Variants in FGF13 observed in about 807,000 individuals in gnomAD.
FGF13 encodes the protein fibroblast growth factor homologous factor 2.
A neutral mutation model predicts 19.5 loss-of-function variants in FGF13; 2 were observed. The ratio of observed to expected loss-of-function variants is 0.10; its 90% CI spans 0.04 to 0.32. FGF13 has a LOEUF of 0.32. FGF13 is among the 10% of genes least tolerant of loss of function. FGF13 has a pLI of 1.00. For missense variants in FGF13, 113 were observed against 192.7 expected (o/e 0.59, Z 2.45); for synonymous variants, 72 against 76.9 (o/e 0.94, Z 0.33).
At chrX:139,014,649 C>T (rs2092145267) in intron 1 of FGF13, among the ~76,000 whole-genome samples, 1 of 111,077 alleles carries the variant, frequency 9.0e-6, no homozygotes, top group Admixed American at 9.6e-5. Flanking sequence ...ATTTCAAAAA[C>T]TAACACCTAT....
At chrX:139,081,222 T>A (rs964226217) in intron 1 of FGF13, among the ~76,000 whole-genome samples, 1 of 110,836 alleles carries the variant, frequency 9.0e-6, no homozygotes, top group African/African-American at 3.3e-5. Flanking sequence ...TAGGAGAAAA[T>A]TTTTACCTTT....
chrX:138,743,450 A>G (rs188427439), upstream of FGF13, among the ~76,000 whole-genome samples: 1 of 111,756 alleles, frequency 8.9e-6, no homozygotes, highest in African/African-American at 3.3e-5. Context: ...GTATGATACT[A>G]TAATGGCCTT....
intron 3 of FGF13, among the ~76,000 whole-genome samples, chrX:138,771,265 T>C (rs2090543554): frequency 8.9e-6 from 1 of 111,751 alleles, no homozygotes; most frequent in Admixed American, 9.5e-5. Context: ...TCTAAGGAAG[T>C]GAAGACAATT....
rs1016218434 is a variant in FGF13, at chrX:138,616,197, C to T, written c.*16653G>A. ...AAGTCTCATCTGAGACAAAGCAAGTCCCTTCCACCTATAAGCCTGTAAAAT... is the reference window on the plus strand; with the variant it reads ...AAGTCTCATCTGAGACAAAGCAAGTTCCTTCCACCTATAAGCCTGTAAAAT... On this transcript the variant is annotated 3_prime_UTR_variant, in exon 5 of 5. Coordinates refer to ENST00000315930, the MANE Select transcript of FGF13 (RefSeq NM_004114.5). 5 of 112,178 alleles carry T rather than the reference C, an allele frequency of 4.5e-5. No homozygotes were observed. The highest frequency in any genetic ancestry group is 2.8e-4 in the Admixed American group (3 of 10,586). 9.2% of individuals were successfully genotyped at this position (112,178 alleles called of 1,213,427 possible).
intron 1 of FGF13, among the ~76,000 whole-genome samples, chrX:138,717,478 G>A (rs1026754012): frequency 1.8e-5 from 2 of 111,240 alleles, no homozygotes; most frequent in African/African-American, 3.3e-5. Flanking sequence ...AAATCTACAC[G>A]ACTATTTGTA....
intron 3 of FGF13, among the ~76,000 whole-genome samples, chrX:138,799,008 C>A (rs926445955): frequency 1.8e-5 from 2 of 111,826 alleles, no homozygotes; most frequent in South Asian, 3.7e-4. Context: ...TTTCAAAAAA[C>A]CACCTCCTGG....
At chrX:138,945,582 C>A (rs887639486) in intron 1 of FGF13, among the ~76,000 whole-genome samples, 1 of 111,725 alleles carries the variant, frequency 9.0e-6, no homozygotes, top group South Asian at 3.8e-4. Context: ...AACGAATTAA[C>A]CCTTTGTCAG....
At chrX:139,202,046 T>C (rs1321526866) in intron 1 of FGF13, among the ~76,000 whole-genome samples, 1 of 112,737 alleles carries the variant, frequency 8.9e-6, no homozygotes, top group Non-Finnish European at 1.9e-5. Flanking sequence ...AAGAAAATGT[T>C]ATGACACATG....
At chrX:138,727,748 A>C (rs10521789) in intron 1 of FGF13, among the ~76,000 whole-genome samples, 7,614 of 111,344 alleles carry the variant, frequency 0.068, 310 homozygotes, top group East Asian at 0.29. Flanking sequence ...AGGTGTTTGA[A>C]TATATAGCCC....
chrX:139,084,692 A>G (rs751003377), intron 1 of FGF13, among the ~76,000 whole-genome samples: 9 of 111,940 alleles, frequency 8.0e-5, no homozygotes, highest in Non-Finnish European at 1.1e-4. Flanking sequence ...CCAGAAAAAC[A>G]TTGGTCCTGG....
chrX:138,973,739 T>G (rs1380481052), intron 1 of FGF13, among the ~76,000 whole-genome samples: 1 of 112,386 alleles, frequency 8.9e-6, no homozygotes, highest in East Asian at 2.8e-4. Context: ...TATCATTATA[T>G]AATTGCCTTC....
intron 1 of FGF13, among the ~76,000 whole-genome samples, chrX:138,961,018 G>C (rs771008480): frequency 9.0e-6 from 1 of 111,220 alleles, no homozygotes; most frequent in Non-Finnish European, 1.9e-5. Context: ...CTGTCAACTC[G>C]TCAAGGTCAT....
intron 3 of FGF13, among the ~76,000 whole-genome samples, chrX:138,801,972 G>T (rs772506628): frequency 7.1e-5 from 8 of 112,089 alleles, no homozygotes; most frequent in East Asian, 2.8e-4. Flanking sequence ...AGACTGCTGC[G>T]CTGGCAGCAG....
chrX:138,967,193 TTTTC>T (rs2091898583), intron 1 of FGF13, among the ~76,000 whole-genome samples: 1 of 110,097 alleles, frequency 9.1e-6, no homozygotes, highest in African/African-American at 3.3e-5. Context: ...TACTATTTCA[TTTTC>T]TTTTATATTT....
At chrX:139,204,342 C>T (rs1238846070), upstream of FGF13, 1 of 306,403 alleles carries the variant, frequency 3.3e-6, no homozygotes, top group Non-Finnish European at 5.6e-6. Context: ...CCGCCGCGAT[C>T]CCGAGCGGCC....
At chrX:138,741,682 A>G (rs1303208179), upstream of FGF13, among the ~76,000 whole-genome samples, 1 of 111,339 alleles carries the variant, frequency 9.0e-6, no homozygotes, top group Non-Finnish European at 1.9e-5. Context: ...AAATTTGTCA[A>G]TTTTCACAAA....
chrX:139,112,045 A>G (rs766834045), intron 1 of FGF13, among the ~76,000 whole-genome samples: 80 of 112,093 alleles, frequency 7.1e-4, no homozygotes, highest in Middle Eastern at 4.6e-3. Flanking sequence ...TAAGACCAAT[A>G]AAAACCAGGG....
chrX:139,152,887 T>G (rs2083946435), intron 1 of FGF13, among the ~76,000 whole-genome samples: 1 of 110,780 alleles, frequency 9.0e-6, no homozygotes, highest in South Asian at 3.9e-4. Context: ...TTACTCATGT[T>G]TTGGGATCTC....
Position 138,625,333 on chromosome X carries a change from G to A in FGF13, c.*7517C>T, listed in dbSNP as rs945770709. ...TCCCACTTCTGGTTATATATCCAAA[G>A]GAAATTAAATCAGTATGCCAAACAG... On this transcript the variant is annotated 3_prime_UTR_variant, in exon 5 of 5. Coordinates refer to ENST00000315930, the MANE Select transcript of FGF13 (RefSeq NM_004114.5). The A allele has an allele frequency of 3.7e-5, 4 of 107,020 alleles. No individual in the cohort carries two copies. Among genetic ancestry groups the A allele is most frequent in the Non-Finnish European group, 7.7e-5 (4 of 52,021 alleles). The allele number at this position is 107,020 out of a possible 1,213,427, so 8.8% of individuals were successfully genotyped here. A position where few individuals can be genotyped will look rare whatever the true frequency, so the allele number is the denominator to read the frequency against.
Sources: allele counts gnomAD v4.1 joint callset (sites outside exome capture counted in the v4.1 genomes callset), GRCh38; gene constraint gnomAD v4.1.1; transcripts MANE v1.5; gene names NCBI Gene and HGNC (gene_info 2026-07-23, HGNC 2026-07-21).